Variants in NSMCE1 observed in about 807,000 individuals in gnomAD.
The protein encoded by NSMCE1 is non-structural maintenance of chromosomes element 1 homolog.
Under a neutral mutation model 29.6 loss-of-function variants are expected in NSMCE1, and 18 were observed. That is an observed-to-expected ratio of 0.61 (90% confidence interval 0.42 to 0.90). The LOEUF is 0.90. NSMCE1 is among the 40% of genes least tolerant of loss of function. The probability of loss-of-function intolerance (pLI) is 0.00; values close to 1 mark genes in which losing one functional copy is unlikely to be tolerated. For synonymous variants in NSMCE1, 124 were observed against 133.4 expected, an observed-to-expected ratio of 0.93 and a Z score of 0.49; for missense variants, 314 against 343.6, an observed-to-expected ratio of 0.91 and a Z score of 0.68.
chr16:27,226,613 C>A, intron 6 of NSMCE1, 107 bp downstream of exon 6: 1 of 697,434 alleles, frequency 1.4e-6, no homozygotes, highest in Non-Finnish European at 2.5e-6. Context: ...GATGCGCCAG[C>A]AGTGCAGGAG....
intron 2 of NSMCE1, among the ~76,000 whole-genome samples, chr16:27,235,805 A>G (rs2083816645): frequency 6.6e-6 from 1 of 152,180 alleles, no homozygotes; most frequent in South Asian, 2.1e-4. Context: ...ATCCTCACTT[A>G]CATGCCAGGC....
At chr16:27,247,860 G>T (rs1439766673) in intron 2 of NSMCE1, among the ~76,000 whole-genome samples, 17 of 151,770 alleles carry the variant, frequency 1.1e-4, no homozygotes, top group Admixed American at 1.1e-3. Flanking sequence ...CTGGGAGGTG[G>T]AGGTTGCAGT....
chr16:27,247,788 G>A (rs184337382), intron 2 of NSMCE1, among the ~76,000 whole-genome samples: 183 of 152,170 alleles, frequency 1.2e-3, no homozygotes, highest in Non-Finnish European at 1.9e-3. Context: ...TTAGCCGGGC[G>A]TGGTGGCACA....
Position 27,232,926 on chromosome 16 carries a change from C to T in NSMCE1, c.483+75G>A, listed in dbSNP as rs1196554656. On this transcript the variant is annotated intron_variant, in intron 5 of 7. Transcript: ENST00000361439. The surrounding 1 kb of genome is among the most constrained non-coding windows in gnomAD (Gnocchi z 4.5). ...GGGCTCCTCAGACATCAGTTGGCTA[C>T]AAGTACGATTTTGGAGAAAAAACTG... 4.0e-6 allele frequency: 6 copies of T among 1,516,354 alleles called. No homozygotes were observed. In the East Asian group the frequency reaches 9.0e-5, roughly 23 times the overall value. The allele number at this position is 1,516,354 out of a possible 1,614,324, so 93.9% of individuals were successfully genotyped here.
At chr16:27,235,454 G>A (rs1422362954) in intron 2 of NSMCE1, among the ~76,000 whole-genome samples, 155 bp from the exon 3 acceptor site, 1 of 152,164 alleles carries the variant, frequency 6.6e-6, no homozygotes, top group Admixed American at 6.5e-5. Context: ...CCAATGCCAC[G>A]TGGCTTCTTT....
chr16:27,250,702 A>G (rs1178097296), intron 2 of NSMCE1, among the ~76,000 whole-genome samples: 1 of 151,766 alleles, frequency 6.6e-6, no homozygotes, highest in African/African-American at 2.4e-5. Flanking sequence ...CGGAGGCAGG[A>G]GAACTGCTTA....
At chr16:27,246,010 G>A (rs1020671971) in intron 2 of NSMCE1, among the ~76,000 whole-genome samples, 5 of 152,158 alleles carry the variant, frequency 3.3e-5, no homozygotes, top group Admixed American at 1.3e-4. Flanking sequence ...CACCATCAAC[G>A]CACGTAGCCT....
At chr16:27,240,372 G>C (rs2083879904) in intron 2 of NSMCE1, among the ~76,000 whole-genome samples, 1 of 152,144 alleles carries the variant, frequency 6.6e-6, no homozygotes, top group African/African-American at 2.4e-5. Flanking sequence ...AGCCCGGCCT[G>C]GCCCAGCCCA....
chr16:27,240,115 C>T (rs1468407030), intron 2 of NSMCE1, among the ~76,000 whole-genome samples: 2 of 152,160 alleles, frequency 1.3e-5, no homozygotes, highest in Non-Finnish European at 2.9e-5. Context: ...CCCGGGCTTG[C>T]CCAACCCCAG....
chr16:27,245,323 G>A (rs763576595), intron 2 of NSMCE1, among the ~76,000 whole-genome samples: 21 of 152,242 alleles, frequency 1.4e-4, no homozygotes, highest in Non-Finnish European at 1.6e-4. Context: ...TCCAGCCAGC[G>A]GGGTCTGTGG....
chr16:27,248,712 A>G (rs2083987231), intron 2 of NSMCE1, among the ~76,000 whole-genome samples: 1 of 149,526 alleles, frequency 6.7e-6, no homozygotes, highest in Non-Finnish European at 1.5e-5. Context: ...CCTGGCCTGC[A>G]TTTTTTAAAT....
At chr16:27,251,088 A>AC (rs2084022933) in intron 2 of NSMCE1, among the ~76,000 whole-genome samples, 1 of 145,498 alleles carries the variant, frequency 6.9e-6, no homozygotes, top group Non-Finnish European at 1.5e-5. Context: ...TGATCTGCCC[A>AC]CCTCAGCCTC....
At chr16:27,250,367 G>A (rs1330435313) in intron 2 of NSMCE1, among the ~76,000 whole-genome samples, 1 of 152,226 alleles carries the variant, frequency 6.6e-6, no homozygotes, top group Non-Finnish European at 1.5e-5. Flanking sequence ...AGTGATGTTA[G>A]CTGTAGGTTT....
Position 27,233,114 on chromosome 16 carries a change from C to T in NSMCE1, c.370G>A (p.Ala124Thr), listed in dbSNP as rs777086825. Residue 124 changes from alanine to threonine, a missense_variant, in exon 5 of 8, where the codon GCG becomes ACG. Coordinates refer to ENST00000361439, the MANE Select transcript of NSMCE1 (RefSeq NM_145080.4). ...ELIIDSETGF[A>T]SSTNILNLVD... Reference sequence around the variant, plus strand: ...AGGTTCAATATGTTTGTGGAAGACGCAAAGCCGGTTTCTGAGTCAATAATC... The same window carrying T: ...AGGTTCAATATGTTTGTGGAAGACGTAAAGCCGGTTTCTGAGTCAATAATC... 1.2e-5 allele frequency: 19 copies of T among 1,613,882 alleles called. No homozygotes were observed. The highest frequency in any genetic ancestry group is 1.6e-5 in the Non-Finnish European group (19 of 1,180,000).
At chr16:27,228,181 A>G (rs1453729755) in intron 5 of NSMCE1, among the ~76,000 whole-genome samples, 1 of 152,156 alleles carries the variant, frequency 6.6e-6, no homozygotes, top group Non-Finnish European at 1.5e-5. Flanking sequence ...CTGGGCTCAC[A>G]GTGCGTTCGC....
intron 2 of NSMCE1, among the ~76,000 whole-genome samples, chr16:27,251,191 A>ATATATATAT (rs1555477411): frequency 9.6e-4 from 31 of 32,318 alleles, no homozygotes; most frequent in African/African-American, 2.2e-3. Flanking sequence ...TATATATATA[A>ATATATATAT]ATATATATAT....
chr16:27,235,031 C>T, intron 3 of NSMCE1, 147 bp downstream of exon 3: 1 of 699,944 alleles, frequency 1.4e-6, no homozygotes, highest in Non-Finnish European at 2.3e-6. Context: ...CCATTTTCTC[C>T]CTTTATTCCT....
rs879753719 is a variant in NSMCE1, at chr16:27,267,298, T to C, written c.-12+1408A>G. 2.8e-4 allele frequency among the ~76,000 whole-genome samples: 42 copies of C among 152,178 alleles called. 1 individual carries two copies. The highest frequency in any genetic ancestry group is 4.6e-4 in the Non-Finnish European group (31 of 68,032). On this transcript the variant is annotated intron_variant, in intron 1 of 7. Transcript: ENST00000361439. ...TTGTGGAATAAGTAAATCTCAGTCATACCATTCGTGCGGGTGCTAACACAA... is the reference window on the plus strand; with the variant it reads ...TTGTGGAATAAGTAAATCTCAGTCACACCATTCGTGCGGGTGCTAACACAA...
chr16:27,234,321 T>C lies in NSMCE1; in HGVS notation c.259-56A>G, dbSNP rs772179445. ...TGTGCTCTTTGCGTGTTGGTTAACG[T>C]GTCGCTGGCTCTCCCTCCCTCCCCT... On this transcript the variant is annotated intron_variant, in intron 3 of 7. Coordinates refer to ENST00000361439, the MANE Select transcript of NSMCE1 (RefSeq NM_145080.4). 1.2e-4 allele frequency: 145 copies of C among 1,193,578 alleles called. 2 individuals are homozygous for C. Among genetic ancestry groups the C allele is most frequent in the Admixed American group, 6.7e-5 (4 of 59,442 alleles). 73.9% of individuals were successfully genotyped at this position (1,193,578 alleles called of 1,614,324 possible).
Sources: gnomAD v4.1 joint callset for allele counts (sites outside exome capture counted in the v4.1 genomes callset) on GRCh38, gnomAD v4.1.1 for gene constraint, Gnocchi (gnomAD v3.1) non-coding constraint, MANE v1.5 for transcripts, NCBI Gene and HGNC (gene_info 2026-07-23, HGNC 2026-07-21) for gene names.